Variants in AFG2A observed in about 807,000 individuals in gnomAD.
AFG2A encodes ATPase family gene 2 protein homolog A.
chr4:123,230,070 G>A, the AFG2A span, among the ~76,000 whole-genome samples: 1 of 151,918 alleles, frequency 6.6e-6, no homozygotes, highest in Non-Finnish European at 1.5e-5. Context: ...CCATAAAGAT[G>A]ACTGCTGACT....
chr4:123,118,296 T>C, the AFG2A span, among the ~76,000 whole-genome samples: 1 of 137,866 alleles, frequency 7.3e-6, no homozygotes, highest in African/African-American at 2.7e-5. Context: ...AATATATGTT[T>C]ATGTGTGTGT....
chr4:123,067,622 T>G, the AFG2A span, among the ~76,000 whole-genome samples: 1 of 152,246 alleles, frequency 6.6e-6, no homozygotes, highest in African/African-American at 2.4e-5. Context: ...TATTTTAAAA[T>G]TAAAAATGAG....
the AFG2A span, among the ~76,000 whole-genome samples, chr4:123,176,299 T>C: frequency 3.3e-5 from 5 of 152,284 alleles, no homozygotes; most frequent in South Asian, 8.3e-4. Flanking sequence ...TTCTGTGAAA[T>C]TGTTCATGTT....
chr4:122,953,828 T>C, the AFG2A span, among the ~76,000 whole-genome samples: 1 of 152,356 alleles, frequency 6.6e-6, no homozygotes, highest in Admixed American at 6.5e-5. Flanking sequence ...ACCCTTTGCC[T>C]ATGCAGTTTC....
chr4:123,026,328 T>C, the AFG2A span, among the ~76,000 whole-genome samples: 2 of 152,150 alleles, frequency 1.3e-5, no homozygotes, highest in African/African-American at 4.8e-5. Context: ...GCCAAATATA[T>C]ACTGTGAAAA....
chr4:123,229,444 G>A, the AFG2A span, among the ~76,000 whole-genome samples: 1 of 148,294 alleles, frequency 6.7e-6, no homozygotes, highest in African/African-American at 2.4e-5. Context: ...GTGGGTGGAG[G>A]GTTGCTGGCA....
the AFG2A span, among the ~76,000 whole-genome samples, chr4:123,308,135 G>A: frequency 2.6e-5 from 4 of 152,114 alleles, no homozygotes; most frequent in East Asian, 1.9e-4. Context: ...TTTTGATACC[G>A]AAGAAAGCAT....
At chr4:122,997,622 G>C in the AFG2A span, among the ~76,000 whole-genome samples, 1 of 152,116 alleles carries the variant, frequency 6.6e-6, no homozygotes, top group South Asian at 2.1e-4. Context: ...GTTTTCGTGT[G>C]AATACTTGCT....
At chr4:123,209,533 T>C in the AFG2A span, among the ~76,000 whole-genome samples, 1 of 151,468 alleles carries the variant, frequency 6.6e-6, no homozygotes, top group Non-Finnish European at 1.5e-5. Context: ...CCCTATGAAC[T>C]GCGTAGCCCT....
chr4:122,981,243 T>A, the AFG2A span, among the ~76,000 whole-genome samples: 2 of 152,198 alleles, frequency 1.3e-5, no homozygotes, highest in African/African-American at 4.8e-5. Context: ...ATCATGTGGA[T>A]ATACAGTTTT....
chr4:123,028,096 GTTC>G, the AFG2A span: 2 of 1,072,464 alleles, frequency 1.9e-6, no homozygotes, highest in Non-Finnish European at 2.7e-6. Flanking sequence ...CTTTTTTGCA[GTTC>G]TTCTGTTAAT....
the AFG2A span, among the ~76,000 whole-genome samples, chr4:123,198,695 T>G: frequency 6.6e-6 from 1 of 152,322 alleles, no homozygotes; most frequent in Middle Eastern, 3.4e-3. Flanking sequence ...AAGTTCCCAA[T>G]GATTAGGACC....
At chr4:123,177,252 G>T in the AFG2A span, among the ~76,000 whole-genome samples, 1 of 148,656 alleles carries the variant, frequency 6.7e-6, no homozygotes, top group Non-Finnish European at 1.5e-5. Flanking sequence ...GAGTGCAGTG[G>T]CACGGTCTCG....
the AFG2A span, among the ~76,000 whole-genome samples, chr4:123,040,392 G>T: frequency 1.2e-4 from 18 of 152,154 alleles, no homozygotes; most frequent in African/African-American, 4.1e-4. Flanking sequence ...CTGGCCTGCA[G>T]TGTATTTTGG....
the AFG2A span, among the ~76,000 whole-genome samples, chr4:123,109,420 C>T: frequency 2.3e-4 from 35 of 152,162 alleles, no homozygotes; most frequent in East Asian, 3.5e-3. Flanking sequence ...GCTATATAGA[C>T]GGTATGGCTG....
the AFG2A span, among the ~76,000 whole-genome samples, chr4:123,004,665 G>A: frequency 6.6e-6 from 1 of 152,198 alleles, no homozygotes; most frequent in Non-Finnish European, 1.5e-5. Context: ...ATATGTTCAT[G>A]AGAAATATTG....
the AFG2A span, among the ~76,000 whole-genome samples, chr4:122,971,406 C>T: frequency 1.3e-5 from 2 of 151,922 alleles, no homozygotes; most frequent in African/African-American, 2.4e-5. Context: ...GACCCTGTCT[C>T]AAAAAAACCA....
the AFG2A span, among the ~76,000 whole-genome samples, chr4:123,170,460 A>T: frequency 6.6e-6 from 1 of 152,176 alleles, no homozygotes; most frequent in Non-Finnish European, 1.5e-5. Flanking sequence ...TTGATAGAAA[A>T]CATGGAGACT....
At chr4:123,076,612 G>A in the AFG2A span, among the ~76,000 whole-genome samples, 796 of 151,166 alleles carry the variant, frequency 5.3e-3, 7 homozygotes, top group African/African-American at 0.018. Context: ...TTTGGGGGGT[G>A]GGGGGTGATA....
Sources: allele counts gnomAD v4.1 joint callset (sites outside exome capture counted in the v4.1 genomes callset), GRCh38; gene constraint gnomAD v4.1.1; transcripts MANE v1.5; gene names NCBI Gene and HGNC (gene_info 2026-07-23, HGNC 2026-07-21).